The following TSBP1 variants were observed in gnomAD, a reference collection of about 807,000 sequenced individuals.
TSBP1 encodes testis expressed basic protein 1, also known as testis-expressed basic protein 1.
A neutral mutation model predicts 68.8 loss-of-function variants in TSBP1; 56 were observed. The ratio of observed to expected loss-of-function variants is 0.81; its 90% confidence interval spans 0.66 to 1.02. The LOEUF (loss-of-function observed/expected upper bound fraction) is 1.02. Ranked by LOEUF, TSBP1 falls within the 50% of genes least tolerant of loss-of-function variation. TSBP1 has a pLI of 0.00. For synonymous variants in TSBP1, 171 were observed against 208.7 expected, an observed-to-expected ratio of 0.82 and a Z score of 1.56; for missense variants, 502 against 641.2, an observed-to-expected ratio of 0.78 and a Z score of 2.34.
chr6:32,309,778 C>A (rs9268195), intron 19 of TSBP1, among the ~76,000 whole-genome samples: 31,890 of 151,862 alleles, frequency 0.21, 3,506 homozygotes, highest in East Asian at 0.22. Context: ...TTAGTTGTTT[C>A]AAAATGTACA....
Position 32,316,541 on chromosome 6 carries a change from T to A in TSBP1, c.560-749A>T, listed in dbSNP as rs540553602. ...TGGATGACAATGGCTAATTCTCTGT[T>A]AAAAGCTCCAATTCTTTATGACTGC... On this transcript the variant is annotated intron_variant, in intron 18 of 22. Transcript: ENST00000612031. The surrounding 1 kb of genome is among the most constrained non-coding windows in gnomAD (Gnocchi z 4.5). The A allele has an allele frequency of 3.1e-4, 224 of 723,616 alleles. No individual in the cohort carries two copies. In the East Asian group the frequency reaches 5.6e-3, roughly 18 times the overall value. 44.8% of individuals were successfully genotyped at this position (723,616 alleles called of 1,614,324 possible).
At chr6:32,330,696 TCTCTC>T in intron 15 of TSBP1, 87 bp from the exon 17 acceptor site, 2 of 1,427,216 alleles carry the variant, frequency 1.4e-6, no homozygotes, top group Non-Finnish European at 1.9e-6. Context: ...TGAGACAGAG[TCTCTC>T]ACTCTGTCGC....
intron 19 of TSBP1, among the ~76,000 whole-genome samples, chr6:32,309,316 A>G (rs1469156966): frequency 6.6e-6 from 1 of 150,490 alleles, no homozygotes; most frequent in Non-Finnish European, 1.5e-5. Flanking sequence ...AACATTTTAG[A>G]TTTACTGTCA....
chr6:32,346,711 G>A (rs143255241), intron 9 of TSBP1, among the ~76,000 whole-genome samples: 1 of 152,088 alleles, frequency 6.6e-6, no homozygotes, highest in Non-Finnish European at 1.5e-5. Context: ...TGTGGTGCAC[G>A]CCTGTAATCC....
chr6:32,370,855 A>AGAG (rs1774335536), intron 1 of TSBP1, among the ~76,000 whole-genome samples: 2 of 150,112 alleles, frequency 1.3e-5, no homozygotes, highest in East Asian at 2.0e-4. Flanking sequence ...AAAAAAAGAA[A>AGAG]AGAGAGAGAG....
intron 15 of TSBP1, among the ~76,000 whole-genome samples, chr6:32,331,247 T>C (rs1333921245): frequency 6.6e-6 from 1 of 152,224 alleles, no homozygotes; most frequent in Non-Finnish European, 1.5e-5. Flanking sequence ...TGTTTCACTC[T>C]CAGCTATCTT....
intron 16 of TSBP1, chr6:32,324,543 A>C (rs1333461231): frequency 2.2e-6 from 3 of 1,373,426 alleles, no homozygotes; most frequent in Middle Eastern, 1.8e-4. Flanking sequence ...AGACAGCAAG[A>C]GGCCAAGATA....
Position 32,306,485 on chromosome 6 carries a change from T to C in TSBP1, c.581-3856A>G, listed in dbSNP as rs376129382. Among the ~76,000 whole-genome samples, 20 of 152,296 alleles carry C rather than the reference T, an allele frequency of 1.3e-4. No homozygotes were observed. The East Asian group carries it at 2.1e-3, about 16-fold the overall frequency. On this transcript the variant is annotated intron_variant, in intron 19 of 22. Coordinates refer to ENST00000612031, the Ensembl canonical transcript of TSBP1. This position sits in a 1 kb window ranked among gnomAD's most constrained non-coding sequence, Gnocchi z 5.1. ...TTCTCGGTTTGCTGACTCTCCAATATAATCTGCTTTTCATCCCACCAACCC... is the reference window on the plus strand; with the variant it reads ...TTCTCGGTTTGCTGACTCTCCAATACAATCTGCTTTTCATCCCACCAACCC...
chr6:32,365,904 C>A lies in TSBP1; in HGVS notation c.217+263G>T. On this transcript the variant is annotated intron_variant, in intron 6 of 22. Transcript: ENST00000612031. This position sits in a 1 kb window ranked among gnomAD's most constrained non-coding sequence, Gnocchi z 4.3. ...TCTGTGTGGGAAGAAAGCTCCTATT[C>A]TACTATTTTGCTGATGCCTTTCTCT... 1.8e-6 allele frequency: 1 copy of A among 566,900 alleles called. No homozygotes were observed. Among genetic ancestry groups the A allele is most frequent in the Non-Finnish European group, 3.3e-6 (1 of 298,550 alleles). 35.1% of individuals were successfully genotyped at this position (566,900 alleles called of 1,614,324 possible). A position where few individuals can be genotyped will look rare whatever the true frequency, so the allele number is the denominator to read the frequency against.
At chr6:32,344,900 C>T (rs1177830469) in intron 9 of TSBP1, among the ~76,000 whole-genome samples, 4 of 151,932 alleles carry the variant, frequency 2.6e-5, no homozygotes, top group Non-Finnish European at 5.9e-5. Context: ...ACTCTGTTGC[C>T]CAGGTTGAAG....
intron 18 of TSBP1, among the ~76,000 whole-genome samples, chr6:32,322,203 C>T (rs1490803332): frequency 1.3e-5 from 2 of 152,160 alleles, no homozygotes; most frequent in Non-Finnish European, 2.9e-5. Flanking sequence ...GTGTGAAAGG[C>T]GGTTTCACGA....
At chr6:32,347,467 T>A (rs1771179363) in intron 9 of TSBP1, among the ~76,000 whole-genome samples, 1 of 152,196 alleles carries the variant, frequency 6.6e-6, no homozygotes, top group South Asian at 2.1e-4. Flanking sequence ...TGCTCCCCAT[T>A]GCTGTTTCCG....
chr6:32,310,098 T>G (rs573343440), intron 19 of TSBP1, among the ~76,000 whole-genome samples: 1 of 152,338 alleles, frequency 6.6e-6, no homozygotes, highest in African/African-American at 2.4e-5. Context: ...TGTTTGGATT[T>G]CATTCTTGTT....
chr6:32,313,057 C>T (rs1412595324), intron 19 of TSBP1, among the ~76,000 whole-genome samples: 2 of 152,246 alleles, frequency 1.3e-5, no homozygotes, highest in African/African-American at 2.4e-5. Context: ...CTGCAGGGCC[C>T]GACATAATCT....
chr6:32,295,454 T>A (rs1323840678), intron 22 of TSBP1, among the ~76,000 whole-genome samples: 3 of 152,194 alleles, frequency 2.0e-5, no homozygotes, highest in African/African-American at 7.2e-5. Context: ...ATTCACTGTT[T>A]TTATATTTAG....
Position 32,371,859 on chromosome 6 carries a change from C to T in TSBP1, c.-153G>A, listed in dbSNP as rs922748793. ...TTGTAGGCAGAGATGCAGAGGATCA[C>T]TGAGAAATTGTGTGGAGCAGATTGA... On this transcript the variant is annotated 5_prime_UTR_variant, in exon 1 of 23. In the 5' UTR this introduces an upstream ATG that the reference lacks. Transcript: ENST00000612031. The T allele has an allele frequency of 3.2e-5, 25 of 785,636 alleles. No individual in the cohort carries two copies. Among genetic ancestry groups the T allele is most frequent in the Non-Finnish European group, 4.8e-5 (22 of 458,924 alleles). The allele number at this position is 785,636 out of a possible 1,614,324, so 48.7% of individuals were successfully genotyped here.
intron 19 of TSBP1, among the ~76,000 whole-genome samples, chr6:32,308,172 T>C (rs1054912792): frequency 1.3e-5 from 2 of 152,050 alleles, no homozygotes; most frequent in Non-Finnish European, 1.5e-5. Context: ...ATTTTTCTTA[T>C]TTTTTTATAG....
At chr6:32,329,049 T>C (rs959672963) in intron 16 of TSBP1, among the ~76,000 whole-genome samples, 3 of 152,196 alleles carry the variant, frequency 2.0e-5, no homozygotes, top group African/African-American at 7.2e-5. Context: ...CCTACTCTTC[T>C]TTACTAGGGC....
intron 16 of TSBP1, 37 bp from the exon 18 acceptor site, chr6:32,323,651 C>A (rs1290224879): frequency 6.2e-7 from 1 of 1,605,314 alleles, no homozygotes; most frequent in African/African-American, 1.3e-5. Flanking sequence ...ACTGTTTTTT[C>A]TCCCATGATA....
Sources: gnomAD v4.1 joint callset for allele counts (sites outside exome capture counted in the v4.1 genomes callset) on GRCh38, gnomAD v4.1.1 for gene constraint, Gnocchi (gnomAD v3.1) non-coding constraint, MANE v1.5 for transcripts, NCBI Gene and HGNC (gene_info 2026-07-23, HGNC 2026-07-21) for gene names.